CPNE9: variants seen among roughly 807,000 people sequenced by gnomAD.
CPNE9 encodes the protein copine family member 9, also known as copine-9.
In CPNE9, 59 loss-of-function variants were observed where a neutral mutation model predicts 83.0. That is an observed-to-expected ratio of 0.71 (90% confidence interval 0.58 to 0.88). CPNE9 has a LOEUF of 0.88. Among genes scored for constraint, CPNE9 ranks in the 40% least tolerant of loss-of-function variants. The pLI is 0.00. For synonymous variants in CPNE9, 256 were observed against 273.4 expected (o/e 0.94, Z 0.63); for missense variants, 619 against 720.8 (o/e 0.86, Z 1.62).
rs1330769304 is a variant in CPNE9, at chr3:9,729,363, T to C, written c.1477-144T>C. On this transcript the variant is annotated intron_variant, in intron 20 of 20. Transcript: ENST00000383832. ...AAAGTGGGTGGAGAGAAAGCAAATG[T>C]AGAAAACTGTTCAAGATGTGGAGAG... is the stretch of plus-strand genomic sequence containing the variant. 4.5e-5 allele frequency: 57 copies of C among 1,268,788 alleles called. 1 individual carries two copies. In the Middle Eastern group the frequency reaches 7.2e-4, roughly 16 times the overall value. The allele number at this position is 1,268,788 out of a possible 1,614,324, so 78.6% of individuals were successfully genotyped here. A position where few individuals can be genotyped will look rare whatever the true frequency, so the allele number is the denominator to read the frequency against.
Position 9,712,776 on chromosome 3 carries a change from T to C in CPNE9, c.493T>C (p.Phe165Leu). The C allele has an allele frequency of 1.2e-6, 2 of 1,614,122 alleles. No homozygotes were observed. The highest frequency in any genetic ancestry group is 1.7e-6 in the Non-Finnish European group (2 of 1,180,008). ...CANKLDKKDF[F>L]GKSDPFLVFY... ...AAACAAGCTGGACAAGAAGGACTTC[T>C]TTGGGAAATCAGACCCCTTCCTTGT... is the stretch of plus-strand genomic sequence containing the variant. Residue 165 changes from phenylalanine (F) to leucine (L), a missense_variant, in exon 9 of 21, where the codon TTT becomes CTT. Transcript: ENST00000383832.
At chr3:9,728,004 G>A (rs565740028) in intron 20 of CPNE9, among the ~76,000 whole-genome samples, 2 of 152,326 alleles carry the variant, frequency 1.3e-5, no homozygotes, top group East Asian at 3.9e-4. Flanking sequence ...CTTCAAGGAT[G>A]ACTCAGTATT....
chr3:9,728,276 C>G (rs2076800992), intron 20 of CPNE9, among the ~76,000 whole-genome samples: 1 of 152,148 alleles, frequency 6.6e-6, no homozygotes, highest in African/African-American at 2.4e-5. Context: ...CCTCTTGAGA[C>G]CAGGAGTTTG....
At chr3:9,705,417 T>TATAC in intron 4 of CPNE9, 47 bp from the exon 5 acceptor site, 2 of 570,216 alleles carry the variant, frequency 3.5e-6, no homozygotes, top group Non-Finnish European at 6.5e-6. Flanking sequence ...CTTTCCACCC[T>TATAC]CTCCCCCACC....
intron 4 of CPNE9, 40 bp from the exon 5 acceptor site, chr3:9,705,424 C>A (rs532895364): frequency 8.1e-6 from 7 of 860,210 alleles, no homozygotes; most frequent in Non-Finnish European, 1.3e-5. Flanking sequence ...CCCTCTCCCC[C>A]ACCCAGCCCC....
chr3:9,722,069 C>T (rs183108361), intron 17 of CPNE9, among the ~76,000 whole-genome samples: 1 of 152,010 alleles, frequency 6.6e-6, no homozygotes, highest in Admixed American at 6.6e-5. Context: ...AGGTGCGCAC[C>T]ACCATGCCCG....
At chr3:9,705,173 T>C in intron 4 of CPNE9, 179 bp downstream of exon 4, 1 of 651,650 alleles carries the variant, frequency 1.5e-6, no homozygotes, top group Non-Finnish European at 2.8e-6. Flanking sequence ...TCCAGTTCCG[T>C]CCCCCGCTCT....
chr3:9,717,456 G>A (rs2076694165), intron 15 of CPNE9, among the ~76,000 whole-genome samples: 1 of 152,176 alleles, frequency 6.6e-6, no homozygotes, highest in Admixed American at 6.5e-5. Context: ...GGTTAGACAA[G>A]TAGATGCATC....
intron 6 of CPNE9, 96 bp downstream of exon 6, chr3:9,705,816 C>T (rs890058665): frequency 8.6e-5 from 123 of 1,431,612 alleles, no homozygotes; most frequent in Non-Finnish European, 1.1e-4. Context: ...AGAGATTGCT[C>T]GCAGACCCCT....
In CPNE9 at chr3:9,725,813, C is replaced by T; in HGVS notation, c.1242-136C>T. Reference sequence around the variant, plus strand: ...TGCAGGCAGTGGCAGGCTGCCAGGTCTGGGGAAGGAGCATGGGTTTCAGAA... The same window carrying T: ...TGCAGGCAGTGGCAGGCTGCCAGGTTTGGGGAAGGAGCATGGGTTTCAGAA... On this transcript the variant is annotated intron_variant, in intron 17 of 20. Coordinates refer to ENST00000383832, the MANE Select transcript of CPNE9 (RefSeq NM_153635.3). The T allele has an allele frequency of 1.0e-5, 7 of 696,328 alleles. No individual in the cohort carries two copies. In the South Asian group the frequency reaches 1.1e-4, roughly 11 times the overall value. The allele number at this position is 696,328 out of a possible 1,614,324, so 43.1% of individuals were successfully genotyped here.
rs2076560135 is a variant in CPNE9, at chr3:9,705,986, G to A, written c.301-1G>A. On this transcript the variant is annotated splice_acceptor_variant, in intron 6 of 20. Coordinates refer to ENST00000383832, the MANE Select transcript of CPNE9 (RefSeq NM_153635.3). LOFTEE classifies it high-confidence loss of function. ...TCTTGCTGACTCCTTGTCCTGCATA[G>A]GATTTCCTGGGACAAGCGTTCCTGG... is the stretch of plus-strand genomic sequence containing the variant. 3 of 1,613,290 alleles carry A rather than the reference G, an allele frequency of 1.9e-6. No individual in the cohort carries two copies. Among genetic ancestry groups the A allele is most frequent in the Non-Finnish European group, 2.5e-6 (3 of 1,179,968 alleles).
intron 17 of CPNE9, among the ~76,000 whole-genome samples, chr3:9,724,234 A>G (rs1261590235): frequency 8.1e-5 from 12 of 148,336 alleles, no homozygotes; most frequent in African/African-American, 3.0e-4. Context: ...GACTGGACTC[A>G]ATGACTTCTG....
chr3:9,717,936 T>C (rs1326729668), intron 15 of CPNE9, 93 bp from the exon 16 acceptor site: 57 of 1,079,008 alleles, frequency 5.3e-5, no homozygotes, highest in Non-Finnish European at 7.1e-5. Flanking sequence ...GGCAGATAAA[T>C]GGATATAGGT....
At chr3:9,722,166 C>G (rs997554163) in intron 17 of CPNE9, among the ~76,000 whole-genome samples, 2 of 151,738 alleles carry the variant, frequency 1.3e-5, no homozygotes, top group Non-Finnish European at 2.9e-5. Flanking sequence ...ATCCACCCCC[C>G]CCCGCCACCC....
chr3:9,704,470 TG>T lies in CPNE9; in HGVS notation c.69-112del. On this transcript the variant is annotated intron_variant, in intron 1 of 20. Transcript: ENST00000383832. This position sits in a 1 kb window ranked among gnomAD's most constrained non-coding sequence, Gnocchi z 7.1. ...AGCGGACCCCGGCTGGGGGTAGCCA[TG>T]GGGGACAGAGGTTCGATGCGGGCCC... 2 of 884,770 alleles carry T rather than the reference TG, an allele frequency of 2.3e-6. No individual in the cohort carries two copies. Among genetic ancestry groups the T allele is most frequent in the South Asian group, 1.3e-5 (1 of 76,324 alleles). 54.8% of individuals were successfully genotyped at this position (884,770 alleles called of 1,614,324 possible).
intron 17 of CPNE9, among the ~76,000 whole-genome samples, chr3:9,721,613 T>C (rs978380883): frequency 3.3e-5 from 5 of 151,960 alleles, no homozygotes; most frequent in Non-Finnish European, 5.9e-5. Flanking sequence ...GAGGACGAGG[T>C]AGACTTTATG....
At chr3:9,721,109 C>T (rs754497862) in intron 17 of CPNE9, among the ~76,000 whole-genome samples, 5 of 152,216 alleles carry the variant, frequency 3.3e-5, no homozygotes, top group South Asian at 2.1e-4. Flanking sequence ...GCTGTGTGCT[C>T]AGTTCTCTGC....
At chr3:9,724,119 TCC>T (rs2076756119) in intron 17 of CPNE9, among the ~76,000 whole-genome samples, 1 of 151,608 alleles carries the variant, frequency 6.6e-6, no homozygotes, top group Admixed American at 6.6e-5. Context: ...TCCTTTCCAG[TCC>T]GCACAGGACT....
rs1372208625 is a variant in CPNE9, at chr3:9,727,388, G to T, written c.1476+202G>T. 7 of 730,390 alleles carry T rather than the reference G, an allele frequency of 9.6e-6. No homozygotes were observed. The African/African-American group carries it at 1.2e-4, about 13-fold the overall frequency. 45.2% of individuals were successfully genotyped at this position (730,390 alleles called of 1,614,324 possible). On this transcript the variant is annotated intron_variant, in intron 20 of 20. Transcript: ENST00000383832. Reference sequence around the variant, plus strand: ...TTGGCACATCCGTGGTGTAGGTCGGGAGGTCCCCAAGGCCCCTGCCCTCTA... The same window carrying T: ...TTGGCACATCCGTGGTGTAGGTCGGTAGGTCCCCAAGGCCCCTGCCCTCTA...
Sources: gnomAD v4.1 joint callset for allele counts (sites outside exome capture counted in the v4.1 genomes callset) on GRCh38, gnomAD v4.1.1 for gene constraint, Gnocchi (gnomAD v3.1) non-coding constraint, MANE v1.5 for transcripts, NCBI Gene and HGNC (gene_info 2026-07-23, HGNC 2026-07-21) for gene names.